Variants in GPC1 observed in about 807,000 individuals in gnomAD.
GPC1 encodes the protein glypican 1.
In GPC1, 26 loss-of-function variants were observed where a neutral mutation model predicts 51.5. That is an observed-to-expected ratio of 0.50 (90% confidence interval 0.37 to 0.70). GPC1 has a LOEUF of 0.70. Among genes scored for constraint, GPC1 ranks in the 30% least tolerant of loss-of-function variants. The probability of loss-of-function intolerance (pLI) is 0.00; values close to 1 mark genes in which losing one functional copy is unlikely to be tolerated. For synonymous variants in GPC1, 380 were observed against 348.3 expected (o/e 1.09, Z -1.01); for missense variants, 775 against 800.5 (o/e 0.97, Z 0.38).
At position 240,462,296 on chromosome 2, in the gene GPC1, T is replaced by C. The variant is rs912658749; in HGVS notation, c.431T>C (p.Leu144Pro). 1.9e-6 allele frequency: 3 copies of C among 1,608,686 alleles called. No individual in the cohort carries two copies. Among genetic ancestry groups the C allele is most frequent in the Non-Finnish European group, 2.5e-6 (3 of 1,178,176 alleles). The change falls in exon 3 of 9, where the codon CTG becomes CCG. Residue 144 changes from leucine (L) to proline (P), a missense_variant. Physicochemically the swap from Leu to Pro is moderately conservative, Grantham distance 98. Coordinates refer to ENST00000264039, the MANE Select transcript of GPC1 (RefSeq NM_002081.3). ...CAGAACGCGAGGGCCTTCCGGGACC[T>C]GTACTCAGAGCTGCGCCTGTACTAC... ...YTQNARAFRD[L>P]YSELRLYYRG...
intron 1 of GPC1, chr2:240,450,501 C>T (rs1211729959): frequency 2.3e-6 from 1 of 438,858 alleles, no homozygotes; most frequent in South Asian, 1.6e-5. Context: ...GCGGGACCTA[C>T]AGCTGCTGTG....
In GPC1 at chr2:240,463,350, C is replaced by G; in HGVS notation, c.721C>G (p.Pro241Ala). The G allele has an allele frequency of 6.2e-7, 1 of 1,612,472 alleles. No individual in the cohort carries two copies. The highest frequency in any genetic ancestry group is 8.5e-7 in the Non-Finnish European group (1 of 1,179,680). ...SDVVRKVAQV[P>A]LGPECSRAVM... is the part of the protein sequence containing the mutation. The stretch of plus-strand genomic sequence containing the variant: ...CTTAGGGTCCCTTGCTCCCCAGGTC[C>G]CCCTGGGCCCGGAGTGCTCGAGAGC... The change falls in exon 4 of 9, where the codon CCC becomes GCC. Residue 241 changes from proline (P) to alanine (A), a missense_variant. By Grantham distance (27) the Pro-to-Ala change is conservative. Coordinates refer to ENST00000264039, the MANE Select transcript of GPC1 (RefSeq NM_002081.3).
At chr2:240,456,498 C>G (rs2074165538) in intron 1 of GPC1, 1 of 425,692 alleles carries the variant, frequency 2.3e-6, no homozygotes, top group Non-Finnish European at 5.0e-6. Flanking sequence ...ACAGCTGAGC[C>G]CATCTCAGCT....
intron 4 of GPC1, chr2:240,464,290 C>A: frequency 1.1e-5 from 4 of 351,992 alleles, no homozygotes; most frequent in South Asian, 1.1e-4. Context: ...CAAGGTGAGC[C>A]AGCGTATGTA....
chr2:240,436,569 C>T (rs79982784), intron 1 of GPC1, among the ~76,000 whole-genome samples: 45,223 of 152,226 alleles, frequency 0.3, 7,412 homozygotes, highest in Non-Finnish European at 0.38. Context: ...TCTGTACAGA[C>T]CTCTCTGGGA....
At chr2:240,451,495 C>A (rs2074099599) in intron 1 of GPC1, 47 of 336,524 alleles carry the variant, frequency 1.4e-4, no homozygotes, top group South Asian at 1.0e-3. Context: ...ACCCTGCTGG[C>A]AGGGTTGGGC....
intron 1 of GPC1, 163 bp from the exon 2 acceptor site, chr2:240,458,867 C>T (rs1240636466): frequency 3.3e-6 from 2 of 611,812 alleles, no homozygotes; most frequent in Non-Finnish European, 5.8e-6. Flanking sequence ...TCCCTCCACA[C>T]CCCGACCACT....
intron 1 of GPC1, among the ~76,000 whole-genome samples, chr2:240,441,853 C>T (rs1476031193): frequency 6.6e-6 from 1 of 152,210 alleles, no homozygotes; most frequent in Non-Finnish European, 1.5e-5. Flanking sequence ...ACGCAGCAGC[C>T]AGGTGTTGGG....
rs1221095811 is a variant in GPC1, at chr2:240,462,394, C to A, written c.529C>A (p.Gln177Lys). The change falls in exon 3 of 9, where the codon CAG (glutamine) becomes AAG (lysine). Residue 177 changes from glutamine to lysine, a missense_variant. Coordinates refer to ENST00000264039, the MANE Select transcript of GPC1 (RefSeq NM_002081.3). ...CCGCCTGCTCGAGCGCCTCTTCAAG[C>A]AGCTGCACCCCCAGCTGCTGCTGCC... ...WARLLERLFK[Q>K]LHPQLLLPDD... 1 of 1,597,820 alleles carries A rather than the reference C, an allele frequency of 6.3e-7. No individual in the cohort carries two copies. Among genetic ancestry groups the A allele is most frequent in the African/African-American group, 1.3e-5 (1 of 74,652 alleles).
chr2:240,450,303 G>A, intron 1 of GPC1: 2 of 334,632 alleles, frequency 6.0e-6, no homozygotes, highest in South Asian at 4.6e-5. Flanking sequence ...GCTCAGCAGG[G>A]CTTGTCAGCT....
chr2:240,459,204 G>T lies in GPC1; in HGVS notation c.325+16G>T. 13 of 1,606,818 alleles carry T rather than the reference G, an allele frequency of 8.1e-6. No homozygotes were observed. The highest frequency in any genetic ancestry group is 1.0e-5 in the Non-Finnish European group (12 of 1,176,838). ...AGCTTCGATGGTGAGTGCCTCCCAC[G>T]GGCGCTCGGGGCCCGCAGGGTGCCG... On this transcript the variant is annotated intron_variant, in intron 2 of 8. Coordinates refer to ENST00000264039, the MANE Select transcript of GPC1 (RefSeq NM_002081.3).
intron 4 of GPC1, chr2:240,464,407 A>G (rs2074242551): frequency 6.9e-6 from 4 of 583,920 alleles, no homozygotes; most frequent in Non-Finnish European, 9.2e-6. Context: ...CCCGTGGCAC[A>G]GGTGCACACG....
intron 2 of GPC1, among the ~76,000 whole-genome samples, chr2:240,459,663 TG>T (rs2074199912): frequency 6.6e-6 from 1 of 151,616 alleles, no homozygotes; most frequent in Admixed American, 6.6e-5. Flanking sequence ...CTGCCTGGGG[TG>T]GCCGCCACTC....
At chr2:240,445,271 G>C (rs2074041797) in intron 1 of GPC1, among the ~76,000 whole-genome samples, 1 of 152,162 alleles carries the variant, frequency 6.6e-6, no homozygotes, top group Non-Finnish European at 1.5e-5. Context: ...CTGCAGGTCA[G>C]ACAGATACCT....
In GPC1 at chr2:240,437,253, G is replaced by A. The variant is rs149657114; in HGVS notation, c.166+1169G>A. On this transcript the variant is annotated intron_variant, in intron 1 of 8. Coordinates refer to ENST00000264039, the MANE Select transcript of GPC1 (RefSeq NM_002081.3). ...GGGGTCTGTGGCCATGCCTTGCCGC[G>A]GGGGGCGGAGTGGTGGGAGGAGGCA... Among the ~76,000 whole-genome samples the A allele has an allele frequency of 1.6e-4, 25 of 152,228 alleles. No individual in the cohort carries two copies. The East Asian group carries it at 4.6e-3, about 28-fold the overall frequency.
intron 1 of GPC1, chr2:240,451,425 G>A (rs1387090819): frequency 5.4e-6 from 2 of 368,512 alleles, no homozygotes; most frequent in African/African-American, 4.3e-5. Context: ...AGCTAGATGG[G>A]AGAGCTGGGC....
intron 1 of GPC1, chr2:240,455,957 C>G (rs1444231548): frequency 2.4e-6 from 1 of 412,240 alleles, no homozygotes; most frequent in Non-Finnish European, 4.9e-6. Context: ...CCGAGGCTCC[C>G]AGGCCTTCGC....
At chr2:240,436,958 C>T (rs1424911279) in intron 1 of GPC1, among the ~76,000 whole-genome samples, 2 of 152,232 alleles carry the variant, frequency 1.3e-5, no homozygotes, top group East Asian at 3.8e-4. Flanking sequence ...CAGAAGTGTA[C>T]GGGTGGGTGG....
intron 1 of GPC1, among the ~76,000 whole-genome samples, chr2:240,457,127 C>T (rs1226909039): frequency 6.6e-6 from 1 of 152,180 alleles, no homozygotes; most frequent in African/African-American, 2.4e-5. Context: ...AATCCCTGGA[C>T]CTGCAGCCCC....
Sources: gnomAD v4.1 joint callset for allele counts (sites outside exome capture counted in the v4.1 genomes callset) on GRCh38, gnomAD v4.1.1 for gene constraint, MANE v1.5 for transcripts, NCBI Gene and HGNC (gene_info 2026-07-23, HGNC 2026-07-21) for gene names.